The following TYMP variants were observed in gnomAD, a reference collection of about 807,000 sequenced individuals.
The protein encoded by TYMP is thymidine phosphorylase, also known as gliostatin.
TYMP carries 46 observed loss-of-function variants against 42.3 expected under a neutral mutation model. The ratio of observed to expected loss-of-function variants is 1.09; its 90% CI spans 0.86 to 1.39. TYMP has a LOEUF of 1.39. Ranked by LOEUF, TYMP falls within the 40% of genes most tolerant of loss-of-function variation. TYMP has a pLI of 0.00. For missense variants in TYMP, 837 were observed against 677.6 expected (o/e 1.24, Z -2.61); for synonymous variants, 363 against 308.0 (o/e 1.18, Z -1.87).
In TYMP at chr22:50,529,604, G is replaced by C. The variant is rs753053752; in HGVS notation, c.106C>G (p.Leu36Val). Residue 36 changes from leucine to valine, a missense_variant, in exon 2 of 10, where the codon CTC (leucine) becomes GTC (valine). Leu to Val is a conservative substitution (Grantham distance 32). Coordinates refer to ENST00000252029, the MANE Select transcript of TYMP (RefSeq NM_001953.5). ...LPDPSPEPKQ[L>V]PELIRMKRDG... ...CGCTTCATGCGGATCAGCTCCGGGA[G>C]CTGCTTGGGCTCTGGCGAAGGGTCG... 3 of 1,613,098 alleles carry C rather than the reference G, an allele frequency of 1.9e-6. No individual in the cohort carries two copies. The highest frequency in any genetic ancestry group is 2.5e-6 in the Non-Finnish European group (3 of 1,179,886).
chr22:50,529,076 A>T (rs2069494562), intron 3 of TYMP, 60 bp downstream of exon 3: 1 of 1,569,758 alleles, frequency 6.4e-7, no homozygotes, highest in Non-Finnish European at 8.8e-7. Flanking sequence ...CTGCCTGTGG[A>T]TGGACTGGTT....
Position 50,526,128 on chromosome 22 carries a change from C to G in TYMP, c.1173G>C (p.Leu391=). Residue 391 remains leucine, a synonymous_variant, in exon 9 of 10, where the codon CTG becomes CTC. Transcript: ENST00000252029. ...LLAPADGTVE[L]VRALPLALVL... is the part of the protein sequence containing the mutation. ...CCAGCGCCAGCGGCAGCGCCCGGAC[C>G]AGCTCCACGGTGCCTGCGGGGAGAG... The G allele has an allele frequency of 6.7e-7, 1 of 1,488,912 alleles. No individual in the cohort carries two copies. Among genetic ancestry groups the G allele is most frequent in the Non-Finnish European group, 8.9e-7 (1 of 1,127,346 alleles). 92.2% of individuals were successfully genotyped at this position (1,488,912 alleles called of 1,614,324 possible). A position where few individuals can be genotyped will look rare whatever the true frequency, so the allele number is the denominator to read the frequency against.
At chr22:50,529,412 G>A in intron 2 of TYMP, 74 bp from the exon 3 acceptor site, 1 of 1,603,342 alleles carries the variant, frequency 6.2e-7, no homozygotes, top group Non-Finnish European at 8.5e-7. Flanking sequence ...CTGGTAGTGG[G>A]GCACCGTCGC....
rs769329622 is a variant in TYMP, at chr22:50,527,160, C to T, written c.765+5G>A. On this transcript the variant is annotated splice_donor_5th_base_variant and intron_variant, in intron 6 of 9. Coordinates refer to ENST00000252029, the MANE Select transcript of TYMP (RefSeq NM_001953.5). ...GCTTGCCCAGGGAAAGGCCACACCG[C>T]TCACCAGCGTCTTTGCCAGCTCCCG... 6.2e-7 allele frequency: 1 copy of T among 1,610,866 alleles called. No homozygotes were observed. Among genetic ancestry groups the T allele is most frequent in the African/African-American group, 1.3e-5 (1 of 74,968 alleles).
chr22:50,526,472 G>GC lies in TYMP; in HGVS notation c.932dup (p.Ala312ArgfsTer?). On this transcript the variant is annotated frameshift_variant, in exon 8 of 10. Coordinates refer to ENST00000252029, the MANE Select transcript of TYMP (RefSeq NM_001953.5). LOFTEE classifies it high-confidence loss of function. ...CGTGTCCGCTGAGCCAGAGCAGGGC[G>GC]CCCCCTGCGGGCGGGGACGGGTCTT... 1 of 1,490,044 alleles carries GC rather than the reference G, an allele frequency of 6.7e-7. No homozygotes were observed. Among genetic ancestry groups the GC allele is most frequent in the Non-Finnish European group, 8.9e-7 (1 of 1,128,274 alleles). 92.3% of individuals were successfully genotyped at this position (1,490,044 alleles called of 1,614,324 possible).
chr22:50,529,431 G>C lies in TYMP; in HGVS notation c.214+65C>G, dbSNP rs915659434. ...TAGTGGGGCACCGTCGCACCCCCAGGGACCCAAAGTCTCTCGGGCTGACCT... is the reference window on the plus strand; with the variant it reads ...TAGTGGGGCACCGTCGCACCCCCAGCGACCCAAAGTCTCTCGGGCTGACCT... On this transcript the variant is annotated intron_variant, in intron 2 of 9. Transcript: ENST00000252029. The C allele has an allele frequency of 1.2e-5, 20 of 1,606,110 alleles. No individual in the cohort carries two copies. The East Asian group carries it at 4.2e-4, about 34-fold the overall frequency.
At chr22:50,529,433 A>G (rs1255394031) in intron 2 of TYMP, 63 bp downstream of exon 2, 27 of 1,606,890 alleles carry the variant, frequency 1.7e-5, no homozygotes, top group Non-Finnish European at 2.2e-5. Context: ...ACCCCCAGGG[A>G]CCCAAAGTCT....
In TYMP at chr22:50,526,242, T is replaced by C; in HGVS notation, c.1159+4A>G. 6.5e-7 allele frequency: 1 copy of C among 1,539,308 alleles called. No individual in the cohort carries two copies. Among genetic ancestry groups the C allele is most frequent in the Non-Finnish European group, 8.7e-7 (1 of 1,152,084 alleles). ...GGAAGGACGGGGACTCCCCCGACGC[T>C]CACCATCTGCGGGCGCCAGCAGCTC... On this transcript the variant is annotated splice_donor_region_variant and intron_variant, in intron 8 of 9. Coordinates refer to ENST00000252029, the MANE Select transcript of TYMP (RefSeq NM_001953.5).
Position 50,527,168 on chromosome 22 carries a change from C to A in TYMP, c.762G>T (p.Thr254=), listed in dbSNP as rs373478014. 6 of 1,612,138 alleles carry A rather than the reference C, an allele frequency of 3.7e-6. No homozygotes were observed. Among genetic ancestry groups the A allele is most frequent in the Non-Finnish European group, 5.1e-6 (6 of 1,179,514 alleles). ...NQEQARELAK[T]LVGVGASLGL... is the part of the protein sequence containing the mutation. ...AGGGAAAGGCCACACCGCTCACCAG[C>A]GTCTTTGCCAGCTCCCGGGCCTGCT... Residue 254 remains threonine, a synonymous_variant, in exon 6 of 10, where the codon ACG becomes ACT. Coordinates refer to ENST00000252029, the MANE Select transcript of TYMP (RefSeq NM_001953.5).
At position 50,526,068 on chromosome 22, in the gene TYMP, A is replaced by C. The variant is rs1362361975; in HGVS notation, c.1233T>G (p.Ala411=). Residue 411 remains alanine, a synonymous_variant, in exon 9 of 10, where the codon GCT becomes GCG. Coordinates refer to ENST00000252029, the MANE Select transcript of TYMP (RefSeq NM_001953.5). ...CCACCCCCAGGCGGAGCGGCTCCCC[A>C]GCGCGGCTGCGCCCGGCCCCGAGCT... The part of the protein sequence containing the change: ...LHELGAGRSR[A]GEPLRLGVGA... 4.7e-6 allele frequency: 7 copies of C among 1,483,898 alleles called. No homozygotes were observed. The Admixed American group carries it at 1.1e-4, about 24-fold the overall frequency. 91.9% of individuals were successfully genotyped at this position (1,483,898 alleles called of 1,614,324 possible).
upstream of TYMP, chr22:50,530,029 C>T (rs989865559): frequency 1.1e-5 from 4 of 351,386 alleles, no homozygotes; most frequent in Non-Finnish European, 2.1e-5. Flanking sequence ...GGCGGGGCGG[C>T]GGCGCCCCAG....
rs2069532029 is a variant in TYMP, at chr22:50,529,932, G to C, written c.-39C>G. On this transcript the variant is annotated 5_prime_UTR_variant, in exon 1 of 10. Coordinates refer to ENST00000252029, the MANE Select transcript of TYMP (RefSeq NM_001953.5). ...CTTAGGGCGCTGCCCTCGCCCGCTT[G>C]CTCCGGATCCCAGCCCAGGTACCCG... 1.2e-5 allele frequency: 7 copies of C among 594,820 alleles called. No individual in the cohort carries two copies. The East Asian group carries it at 2.0e-4, about 17-fold the overall frequency. 36.8% of individuals were successfully genotyped at this position (594,820 alleles called of 1,614,324 possible).
chr22:50,528,987 G>A (rs2069491016), intron 3 of TYMP, 149 bp downstream of exon 3: 5 of 795,800 alleles, frequency 6.3e-6, no homozygotes, highest in Non-Finnish European at 1.0e-5. Context: ...ACGGGGTGGG[G>A]AGAACTGTGC....
chr22:50,526,799 G>T, intron 6 of TYMP, 61 bp from the exon 7 acceptor site: 1 of 1,506,260 alleles, frequency 6.6e-7, no homozygotes, highest in Non-Finnish European at 8.9e-7. Context: ...CCGGTTCTTG[G>T]TCGAACTCCA....
rs772244367 is a variant in TYMP at position 50,526,543 on chromosome 22, C to G, written c.928+33G>C. The G allele has an allele frequency of 3.9e-6, 6 of 1,547,920 alleles. No homozygotes were observed. In the Middle Eastern group the frequency reaches 5.5e-4, roughly 141 times the overall value. ...GGCCCCAGCGGGAAGCACCCCCCGCCGCCTCCGCTCCCCTACACCCCGTCC... is the reference window on the plus strand; with the variant it reads ...GGCCCCAGCGGGAAGCACCCCCCGCGGCCTCCGCTCCCCTACACCCCGTCC... On this transcript the variant is annotated intron_variant, in intron 7 of 9. Coordinates refer to ENST00000252029, the MANE Select transcript of TYMP (RefSeq NM_001953.5).
At chr22:50,528,349 C>A in intron 4 of TYMP, 163 bp downstream of exon 4, 1 of 715,482 alleles carries the variant, frequency 1.4e-6, no homozygotes, top group Non-Finnish European at 2.5e-6. Context: ...TGATCCTAAT[C>A]AAAGTTCCAC....
In TYMP at chr22:50,526,667, G is replaced by A. The variant is rs1402392115; in HGVS notation, c.837C>T (p.Arg279=). The A allele has an allele frequency of 6.4e-7, 1 of 1,553,914 alleles. No homozygotes were observed. Among genetic ancestry groups the A allele is most frequent in the East Asian group, 2.4e-5 (1 of 41,598 alleles). Residue 279 remains arginine (R), a synonymous_variant, in exon 7 of 10, where the codon CGC becomes CGT. Transcript: ENST00000252029. ...ALTAMDKPLG[R]CVGHALEVEE... is the part of the protein sequence containing the mutation. ...CCACCTCCAGGGCGTGGCCCACGCA[G>A]CGACCCAGGGGCTTGTCCATGGCGG...
Position 50,525,954 on chromosome 22 carries a change from G to A in TYMP, c.1301-36C>T. ...AGGGGCTGTTAGAGGCCGCGCGGCC[G>A]GAGCTGGGCGGGGGTGCGGGGCCAG... On this transcript the variant is annotated intron_variant, in intron 9 of 9. Transcript: ENST00000252029. 7 of 1,401,226 alleles carry A rather than the reference G, an allele frequency of 5.0e-6. No individual in the cohort carries two copies. The South Asian group carries it at 6.3e-5, about 13-fold the overall frequency. 86.8% of individuals were successfully genotyped at this position (1,401,226 alleles called of 1,614,324 possible). A position where few individuals can be genotyped will look rare whatever the true frequency, so the allele number is the denominator to read the frequency against.
At chr22:50,529,747 T>A (rs1323521071) in intron 1 of TYMP, 28 bp from the exon 2 acceptor site, 1 of 1,575,608 alleles carries the variant, frequency 6.3e-7, no homozygotes, top group Admixed American at 1.8e-5. Context: ...ACGTCCGGGG[T>A]CTGCGGCCTC....
Sources: gnomAD v4.1 joint callset for allele counts on GRCh38, gnomAD v4.1.1 for gene constraint, MANE v1.5 for transcripts, NCBI Gene and HGNC (gene_info 2026-07-23, HGNC 2026-07-21) for gene names.